The following EML5 variants were observed in gnomAD, a reference collection of about 807,000 sequenced individuals.
EML5 encodes EMAP like 5.
EML5 carries 120 observed loss-of-function variants against 250.0 expected under a neutral mutation model. The ratio of observed to expected loss-of-function variants is 0.48; its 90% CI spans 0.41 to 0.56. The LOEUF (loss-of-function observed/expected upper bound fraction) is 0.56, where lower values mean the gene tolerates loss of function less well. EML5 is among the 20% of genes least tolerant of loss of function. The pLI, the probability that EML5 is intolerant of heterozygous loss-of-function variation, is 0.00. For synonymous variants in EML5, 771 were observed against 806.5 expected (o/e 0.96, Z 0.75); for missense variants, 2,006 against 2,437.6 (o/e 0.82, Z 3.73).
chr14:88,742,337 A>C (rs1292484530), intron 4 of EML5, among the ~76,000 whole-genome samples: 1 of 152,066 alleles, frequency 6.6e-6, no homozygotes, highest in Non-Finnish European at 1.5e-5. Context: ...TGACTGAGGA[A>C]ATGAATTTTA....
chr14:88,692,202 C>G (rs2092974959), intron 17 of EML5, among the ~76,000 whole-genome samples: 1 of 151,980 alleles, frequency 6.6e-6, no homozygotes, highest in Admixed American at 6.5e-5. Flanking sequence ...ATGGTGAAAC[C>G]CCATCTCTGC....
chr14:88,701,896 A>C (rs1286566792), intron 14 of EML5, among the ~76,000 whole-genome samples: 1 of 152,236 alleles, frequency 6.6e-6, no homozygotes, highest in Non-Finnish European at 1.5e-5. Context: ...TAAAGTACTT[A>C]CACAAAGGAA....
chr14:88,725,578 A>G (rs1354032396), intron 8 of EML5, among the ~76,000 whole-genome samples: 1 of 152,198 alleles, frequency 6.6e-6, no homozygotes, highest in East Asian at 1.9e-4. Context: ...GATGGGCACT[A>G]CATACCACGT....
chr14:88,646,825 A>C, intron 29 of EML5, 122 bp downstream of exon 29: 1 of 982,476 alleles, frequency 1.0e-6, no homozygotes, highest in Non-Finnish European at 1.4e-6. Flanking sequence ...CAAAGGAAAA[A>C]AATGTGCAAA....
At chr14:88,693,558 G>A (rs959602140) in intron 17 of EML5, among the ~76,000 whole-genome samples, 1 of 152,012 alleles carries the variant, frequency 6.6e-6, no homozygotes, top group African/African-American at 2.4e-5. Context: ...GATTTGGGTG[G>A]GGACACAGTC....
At chr14:88,709,826 G>T (rs2093375232) in intron 10 of EML5, among the ~76,000 whole-genome samples, 2 of 152,050 alleles carry the variant, frequency 1.3e-5, no homozygotes, top group African/African-American at 4.8e-5. Flanking sequence ...ACAATATTTT[G>T]CAGCAGTGAA....
In EML5 at chr14:88,658,225, T is replaced by C. The variant is rs978859858; in HGVS notation, c.3839A>G (p.Asp1280Gly). ...AGAATCAATGTCGGATTCTTCACTA[T>C]CACAAGGCCTTTTTTCTCGATAGCC... ...MEGYREKRPC[D>G]SEESDIDSEE... The change falls in exon 26 of 44, where the codon GAT becomes GGT. Residue 1280 changes from aspartate (D) to glycine (G), a missense_variant. Around this residue, in one of 7 missense-constraint regions of EML5, gnomAD observed 1,375 missense variants for 1,590.3 expected, o/e 0.86. Transcript: ENST00000554922. The C allele has an allele frequency of 5.6e-6, 9 of 1,613,722 alleles. No individual in the cohort carries two copies. Among genetic ancestry groups the C allele is most frequent in the Admixed American group, 1.7e-5 (1 of 59,972 alleles).
intron 7 of EML5, among the ~76,000 whole-genome samples, chr14:88,730,917 T>C (rs897193379): frequency 1.3e-5 from 2 of 152,184 alleles, no homozygotes; most frequent in African/African-American, 4.8e-5. Flanking sequence ...TATTATTCTT[T>C]AGCACGTACT....
intron 29 of EML5, among the ~76,000 whole-genome samples, chr14:88,646,741 GT>G (rs1285561428): frequency 6.6e-6 from 1 of 152,072 alleles, no homozygotes; most frequent in Non-Finnish European, 1.5e-5. Flanking sequence ...GAATGGATAA[GT>G]TTTAGTAAAG....
rs2092177538 is a variant in EML5, at chr14:88,663,015, A to G, written c.3498+16T>C. On this transcript the variant is annotated intron_variant, in intron 24 of 43. Transcript: ENST00000554922. ...TATTCACATGAACAACACTGCAAGC[A>G]CCACTGTTGTCCTACCTCCACGCTG... 6.5e-7 allele frequency: 1 copy of G among 1,531,576 alleles called. No individual in the cohort carries two copies. Among genetic ancestry groups the G allele is most frequent in the African/African-American group, 1.4e-5 (1 of 72,042 alleles). The allele number at this position is 1,531,576 out of a possible 1,614,324, so 94.9% of individuals were successfully genotyped here. A position where few individuals can be genotyped will look rare whatever the true frequency, so the allele number is the denominator to read the frequency against.
chr14:88,672,781 A>G (rs937694865), intron 21 of EML5, among the ~76,000 whole-genome samples: 3 of 152,196 alleles, frequency 2.0e-5, no homozygotes, highest in African/African-American at 7.2e-5. Flanking sequence ...TAAAATAGAA[A>G]ATCTGGAAGA....
intron 1 of EML5, among the ~76,000 whole-genome samples, chr14:88,774,412 C>T (rs1950806): frequency 0.19 from 29,270 of 152,080 alleles, 3,531 homozygotes; most frequent in East Asian, 0.37. Context: ...TACATTGGAA[C>T]GAATCTTGAA....
rs371746463 is a variant in EML5 at position 88,754,578 on chromosome 14, G to T, written c.291C>A (p.Thr97=). 2.7e-5 allele frequency: 44 copies of T among 1,613,444 alleles called. No individual in the cohort carries two copies. The African/African-American group carries it at 5.1e-4, about 19-fold the overall frequency. ...TATGAACATCCTTTAAAACTGATAT[G>T]GTCTGCACAGTGTATGAATCCCAAA... ...ICIWDSYTVQ[T]ISVLKDVHTH... is the part of the protein sequence containing the mutation. The change falls in exon 2 of 44, where the codon ACC becomes ACA. Residue 97 remains threonine, a synonymous_variant. Transcript: ENST00000554922.
At chr14:88,742,881 A>G (rs1338985414) in intron 4 of EML5, among the ~76,000 whole-genome samples, 2 of 152,160 alleles carry the variant, frequency 1.3e-5, no homozygotes, top group Middle Eastern at 3.2e-3. Flanking sequence ...GGAGTTAGGC[A>G]TATTGAAATA....
chr14:88,698,034 G>A (rs903575000), intron 14 of EML5, among the ~76,000 whole-genome samples: 1 of 152,128 alleles, frequency 6.6e-6, no homozygotes, highest in African/African-American at 2.4e-5. Context: ...ACCGCACCTG[G>A]CCGAGATTGA....
chr14:88,749,850 T>G (rs75714316), intron 2 of EML5, among the ~76,000 whole-genome samples: 2,837 of 152,176 alleles, frequency 0.019, 98 homozygotes, highest in African/African-American at 0.065. Flanking sequence ...TCTAAGTAAC[T>G]GAAAGGTCAC....
Position 88,619,168 on chromosome 14 carries a change from C to T in EML5, c.5376-356G>A, listed in dbSNP as rs554922574. On this transcript the variant is annotated intron_variant, in intron 39 of 43. Transcript: ENST00000554922. Reference sequence around the variant, plus strand: ...ATCACCTGAGGTCGAGAGTTTGAGACCAGCCTGACCAACATAGAGAAACCC... The same window carrying T: ...ATCACCTGAGGTCGAGAGTTTGAGATCAGCCTGACCAACATAGAGAAACCC... The T allele has an allele frequency of 7.0e-4, 114 of 162,734 alleles. 1 individual carries two copies. The highest frequency in any genetic ancestry group is 9.3e-4 in the Non-Finnish European group (70 of 75,128). 10.1% of individuals were successfully genotyped at this position (162,734 alleles called of 1,614,324 possible).
intron 15 of EML5, among the ~76,000 whole-genome samples, chr14:88,696,092 G>T (rs1366071328): frequency 6.6e-6 from 1 of 151,842 alleles, no homozygotes; most frequent in African/African-American, 2.4e-5. Context: ...CACTGCTCCA[G>T]TGGTATTTTT....
chr14:88,775,350 T>C (rs941897222), intron 1 of EML5, among the ~76,000 whole-genome samples: 1 of 151,822 alleles, frequency 6.6e-6, no homozygotes, highest in East Asian at 2.0e-4. Flanking sequence ...TTAGATGGCA[T>C]TTCTGGACCT....
Sources: gnomAD v4.1 joint callset for allele counts (sites outside exome capture counted in the v4.1 genomes callset) on GRCh38, gnomAD v4.1.1 for gene constraint, gnomAD v4.1.1 regional missense constraint, MANE v1.5 for transcripts, NCBI Gene and HGNC (gene_info 2026-07-23, HGNC 2026-07-21) for gene names.